The following GALNT13 variants were observed in gnomAD, a reference collection of about 807,000 sequenced individuals.
GALNT13 encodes UDP-GalNAc:polypeptide N-acetylgalactosaminyltransferase 13.
In GALNT13, 28 loss-of-function variants were observed where a neutral mutation model predicts 64.2. The observed-to-expected ratio is 0.44, with a 90% confidence interval of 0.32 to 0.60. The LOEUF (loss-of-function observed/expected upper bound fraction) is 0.60. Among genes scored for constraint, GALNT13 ranks in the 20% least tolerant of loss-of-function variants. GALNT13 has a pLI of 0.05. For synonymous variants in GALNT13, 214 were observed against 224.6 expected (o/e 0.95, Z 0.42); for missense variants, 577 against 669.8 (o/e 0.86, Z 1.53).
Position 154,331,302 on chromosome 2 carries a change from C to G in GALNT13, c.1156+29713C>G, listed in dbSNP as rs536041747. On this transcript the variant is annotated intron_variant, in intron 9 of 12. Coordinates refer to ENST00000392825, the MANE Select transcript of GALNT13 (RefSeq NM_052917.4). ...TAACTACATTTTTTTTTAACTGTTC[C>G]CCTATGTCTATTAAAAGCACTCTTC... Among the ~76,000 whole-genome samples, 11 of 151,838 alleles carry G rather than the reference C, an allele frequency of 7.2e-5. No individual in the cohort carries two copies. The South Asian group carries it at 2.3e-3, about 32-fold the overall frequency.
the GALNT13 span, among the ~76,000 whole-genome samples, chr2:153,625,486 A>AATTGAAGC: frequency 6.6e-6 from 1 of 152,208 alleles, no homozygotes; most frequent in Non-Finnish European, 1.5e-5. Context: ...GAGAAGAAAG[A>AATTGAAGC]ATTGAAGCTC....
the GALNT13 span, among the ~76,000 whole-genome samples, chr2:153,543,158 G>A: frequency 5.9e-5 from 9 of 152,172 alleles, no homozygotes; most frequent in African/African-American, 1.7e-4. Flanking sequence ...AATACTATAA[G>A]GTTGGAGGTG....
rs1265503773 is a variant in GALNT13, at chr2:153,944,496, A to C, written c.-2A>C. 1 of 1,612,310 alleles carries C rather than the reference A, an allele frequency of 6.2e-7. No individual in the cohort carries two copies. Among genetic ancestry groups the C allele is most frequent in the South Asian group, 1.1e-5 (1 of 90,608 alleles). On this transcript the variant is annotated 5_prime_UTR_variant, in exon 3 of 13. Coordinates refer to ENST00000392825, the MANE Select transcript of GALNT13 (RefSeq NM_052917.4). ...TGTGTTAACTAGAAATCAAGGAAAG[A>C]CATGAGGAGATTTGTCTACTGCAAG...
At chr2:153,210,249 G>A in the GALNT13 span, among the ~76,000 whole-genome samples, 1 of 152,042 alleles carries the variant, frequency 6.6e-6, no homozygotes, top group Non-Finnish European at 1.5e-5. Context: ...TTCTTGCTTT[G>A]CTTCCAGTCT....
the GALNT13 span, among the ~76,000 whole-genome samples, chr2:153,559,987 C>G: frequency 6.6e-6 from 1 of 152,026 alleles, no homozygotes; most frequent in Non-Finnish European, 1.5e-5. Context: ...GATGTTTCAA[C>G]GTATTGCAGT....
chr2:153,628,988 G>A, the GALNT13 span, among the ~76,000 whole-genome samples: 4 of 152,078 alleles, frequency 2.6e-5, no homozygotes, highest in African/African-American at 7.2e-5. Flanking sequence ...GACTCTTTTT[G>A]GTTGGTAAGC....
chr2:153,228,997 G>A, the GALNT13 span, among the ~76,000 whole-genome samples: 21 of 151,896 alleles, frequency 1.4e-4, no homozygotes, highest in Non-Finnish European at 1.5e-4. Flanking sequence ...CAAGGAACTG[G>A]AGGCTGAAGG....
the GALNT13 span, among the ~76,000 whole-genome samples, chr2:153,688,717 T>G: frequency 6.6e-6 from 1 of 152,052 alleles, no homozygotes; most frequent in Non-Finnish European, 1.5e-5. Flanking sequence ...CTTATTTATA[T>G]CTGGCTTCTT....
At chr2:153,647,964 C>T in the GALNT13 span, among the ~76,000 whole-genome samples, 1 of 152,048 alleles carries the variant, frequency 6.6e-6, no homozygotes, top group South Asian at 2.1e-4. Flanking sequence ...TTTTTGGTTC[C>T]ATATGAACTT....
the GALNT13 span, among the ~76,000 whole-genome samples, chr2:153,541,447 C>T: frequency 1.4e-4 from 21 of 152,286 alleles, no homozygotes; most frequent in Middle Eastern, 3.4e-3. Flanking sequence ...TCCTGTCTCT[C>T]ATTTCTCTTC....
the GALNT13 span, among the ~76,000 whole-genome samples, chr2:153,720,043 GC>G: frequency 5.4e-5 from 8 of 149,482 alleles, no homozygotes; most frequent in African/African-American, 2.0e-4. Context: ...AGTAACCTCT[GC>G]AGACTTAAAT....
At chr2:153,655,343 C>T in the GALNT13 span, among the ~76,000 whole-genome samples, 95 of 152,192 alleles carry the variant, frequency 6.2e-4, no homozygotes, top group Non-Finnish European at 1.1e-3. Flanking sequence ...TTAACTAAAA[C>T]GTGATTCTAC....
the GALNT13 span, among the ~76,000 whole-genome samples, chr2:153,141,375 A>G: frequency 6.6e-6 from 1 of 151,998 alleles, no homozygotes; most frequent in Non-Finnish European, 1.5e-5. Context: ...GAGCAGAGAT[A>G]AGGGTGGGCT....
chr2:153,632,406 G>C, the GALNT13 span, among the ~76,000 whole-genome samples: 20 of 152,076 alleles, frequency 1.3e-4, 1 homozygote, highest in Middle Eastern at 3.4e-3. Flanking sequence ...CCTTTGTGTG[G>C]TGGGGTTTTT....
chr2:153,935,232 A>G (rs954248788), intron 2 of GALNT13, among the ~76,000 whole-genome samples: 7 of 152,206 alleles, frequency 4.6e-5, no homozygotes, highest in African/African-American at 7.2e-5. Flanking sequence ...ATTATCCAGC[A>G]CAACTGACAC....
At chr2:153,669,132 G>C in the GALNT13 span, among the ~76,000 whole-genome samples, 1 of 152,152 alleles carries the variant, frequency 6.6e-6, no homozygotes, top group Non-Finnish European at 1.5e-5. Context: ...GGCCATGCCT[G>C]ACCGTCAGAG....
At chr2:154,011,224 G>GCTATTAGTGCTGTAAA (rs1553466147) in intron 3 of GALNT13, among the ~76,000 whole-genome samples, 1 of 151,880 alleles carries the variant, frequency 6.6e-6, no homozygotes, top group Admixed American at 6.6e-5. Flanking sequence ...TTGTGATGTA[G>GCTATTAGTGCTGTAAA]CTTTCTTCTT....
the GALNT13 span, among the ~76,000 whole-genome samples, chr2:153,611,825 T>C: frequency 6.6e-6 from 1 of 151,772 alleles, no homozygotes; most frequent in Non-Finnish European, 1.5e-5. Context: ...CTGCACGTAT[T>C]AGGTATTTGT....
chr2:153,498,158 GA>G, the GALNT13 span, among the ~76,000 whole-genome samples: 1 of 152,204 alleles, frequency 6.6e-6, no homozygotes, highest in African/African-American at 2.4e-5. Context: ...GCGTGTGTAG[GA>G]AACAGCATTT....
Sources: gnomAD v4.1 joint callset for allele counts (sites outside exome capture counted in the v4.1 genomes callset) on GRCh38, gnomAD v4.1.1 for gene constraint, MANE v1.5 for transcripts, NCBI Gene and HGNC (gene_info 2026-07-23, HGNC 2026-07-21) for gene names.